Variants in CRYBG3 observed in about 807,000 individuals in gnomAD.
CRYBG3 encodes very large A-kinase anchor protein.
Under a neutral mutation model 244.2 loss-of-function variants are expected in CRYBG3, and 127 were observed. The ratio of observed to expected loss-of-function variants is 0.52; its 90% CI spans 0.45 to 0.60. The LOEUF is 0.60. Ranked by LOEUF, CRYBG3 falls within the 20% of genes least tolerant of loss-of-function variation. The probability of loss-of-function intolerance (pLI) is 0.00; values close to 1 mark genes in which losing one functional copy is unlikely to be tolerated. For synonymous variants in CRYBG3, 1,132 were observed against 1,195.8 expected, an observed-to-expected ratio of 0.95 and a Z score of 1.10; for missense variants, 3,325 against 3,442.5, an observed-to-expected ratio of 0.97 and a Z score of 0.85.
intron 1 of CRYBG3, among the ~76,000 whole-genome samples, chr3:97,833,943 A>C (rs2108158373): frequency 6.6e-6 from 1 of 152,192 alleles, no homozygotes; most frequent in South Asian, 2.1e-4. Flanking sequence ...CTTGGGAAGA[A>C]AGGAAACAAG....
chr3:97,938,988 T>C (rs540615838), intron 19 of CRYBG3, among the ~76,000 whole-genome samples: 1 of 151,990 alleles, frequency 6.6e-6, no homozygotes, highest in African/African-American at 2.4e-5. Context: ...AAAGTAGAGA[T>C]AGGAATTCAG....
At chr3:97,937,132 T>C (rs1306436291) in intron 19 of CRYBG3, among the ~76,000 whole-genome samples, 1 of 152,124 alleles carries the variant, frequency 6.6e-6, no homozygotes, top group Non-Finnish European at 1.5e-5. Flanking sequence ...ATTGGCCATG[T>C]TCACTTTTCG....
chr3:97,822,193 G>C lies in CRYBG3; in HGVS notation c.-14G>C. 1 of 1,510,652 alleles carries C rather than the reference G, an allele frequency of 6.6e-7. No individual in the cohort carries two copies. Among genetic ancestry groups the C allele is most frequent in the Non-Finnish European group, 8.8e-7 (1 of 1,134,806 alleles). 93.6% of individuals were successfully genotyped at this position (1,510,652 alleles called of 1,614,324 possible). ...TCCCTTCAGACAGCCCCGGGCCAGC[G>C]GCCCCCTCGGGAAATGTCCAGCGGC... On this transcript the variant is annotated 5_prime_UTR_variant, in exon 1 of 22. Transcript: ENST00000389622.
At chr3:97,860,885 C>G (rs1456566368) in intron 2 of CRYBG3, among the ~76,000 whole-genome samples, 1 of 151,988 alleles carries the variant, frequency 6.6e-6, no homozygotes, top group Non-Finnish European at 1.5e-5. Context: ...TGCCAAACTA[C>G]ATTCTTAAAT....
At chr3:97,841,381 G>C (rs1436438479) in intron 1 of CRYBG3, among the ~76,000 whole-genome samples, 1 of 151,256 alleles carries the variant, frequency 6.6e-6, no homozygotes, top group African/African-American at 2.4e-5. Flanking sequence ...ACATTTAGAA[G>C]CTTTAAGGAT....
intron 2 of CRYBG3, among the ~76,000 whole-genome samples, chr3:97,849,480 A>G (rs953427731): frequency 7.2e-5 from 11 of 151,982 alleles, no homozygotes; most frequent in African/African-American, 2.4e-4. Flanking sequence ...CGAAATGGAA[A>G]ATGCGCTGTG....
chr3:97,890,193 T>G (rs1435277811), intron 10 of CRYBG3, among the ~76,000 whole-genome samples: 2 of 152,246 alleles, frequency 1.3e-5, no homozygotes, highest in Admixed American at 6.5e-5. Flanking sequence ...ATACTTTGAC[T>G]GTATGTTGGA....
rs1011658663 is a variant in CRYBG3 at position 97,822,107 on chromosome 3, G to C, written c.-100G>C. On this transcript the variant is annotated 5_prime_UTR_variant, in exon 1 of 22. Transcript: ENST00000389622. ...CTGGCAGCTCGCGTCGAGTCGGTCTGCCCTAGCCGCATCCCGCGGCGCCCG... is the reference window on the plus strand; with the variant it reads ...CTGGCAGCTCGCGTCGAGTCGGTCTCCCCTAGCCGCATCCCGCGGCGCCCG... 1.7e-6 allele frequency: 2 copies of C among 1,147,268 alleles called. No homozygotes were observed. Among genetic ancestry groups the C allele is most frequent in the African/African-American group, 3.2e-5 (2 of 62,272 alleles). 71.1% of individuals were successfully genotyped at this position (1,147,268 alleles called of 1,614,324 possible).
intron 17 of CRYBG3, chr3:97,933,210 CT>C: frequency 9.7e-6 from 4 of 413,252 alleles, no homozygotes; most frequent in South Asian, 3.5e-5. Context: ...TGCATTTCAG[CT>C]TTTTTTAAAT....
rs1265043079 is a variant in CRYBG3 at position 97,875,133 on chromosome 3, T to C, written c.3939T>C (p.Ile1313=). The C allele has an allele frequency of 6.5e-7, 1 of 1,535,272 alleles. No individual in the cohort carries two copies. Among genetic ancestry groups the C allele is most frequent in the East Asian group, 2.4e-5 (1 of 40,904 alleles). ...CTAGGGAATTAGTCAATGAGATTAT[T>C]TATGTAGCCCAAGAAAAATTGAGAA... ...DKARELVNEI[I]YVAQEKLRND... The change falls in exon 4 of 22, where the codon ATT becomes ATC. Residue 1313 remains isoleucine, a synonymous_variant. Coordinates refer to ENST00000389622, the MANE Select transcript of CRYBG3 (RefSeq NM_153605.4).
intron 2 of CRYBG3, among the ~76,000 whole-genome samples, chr3:97,863,314 A>G (rs1013773462): frequency 2.6e-5 from 4 of 152,150 alleles, no homozygotes; most frequent in Non-Finnish European, 5.9e-5. Context: ...AGAATCTGGA[A>G]ATAGCATGAA....
intron 12 of CRYBG3, among the ~76,000 whole-genome samples, chr3:97,897,176 T>C (rs1261734809): frequency 6.6e-6 from 1 of 152,058 alleles, no homozygotes; most frequent in Non-Finnish European, 1.5e-5. Context: ...TCTTTGACAT[T>C]GAGTTGGTAT....
At chr3:97,907,663 G>T (rs1305084312) in intron 15 of CRYBG3, among the ~76,000 whole-genome samples, 1 of 149,930 alleles carries the variant, frequency 6.7e-6, no homozygotes, top group East Asian at 2.0e-4. Context: ...CTTGCTAGCG[G>T]TCTATCAATT....
intron 2 of CRYBG3, among the ~76,000 whole-genome samples, chr3:97,856,312 G>T (rs2039063525): frequency 6.6e-6 from 1 of 152,016 alleles, no homozygotes; most frequent in Non-Finnish European, 1.5e-5. Context: ...TTTTCAAGGT[G>T]CCCAGATTTC....
intron 1 of CRYBG3, 28 bp from the exon 2 acceptor site, chr3:97,843,167 A>T: frequency 2.8e-6 from 4 of 1,441,278 alleles, no homozygotes; most frequent in Non-Finnish European, 2.8e-6. Flanking sequence ...TTTTAATTTC[A>T]AAAGAAACTG....
Position 97,900,477 on chromosome 3 carries a change from C to T in CRYBG3, c.7996C>T (p.Pro2666Ser). ...GGAACCACTTGGGATAAATGAACCT[C>T]CGCATTTGGTATGTTTAAAAATATT... is the stretch of plus-strand genomic sequence containing the variant. ...QLEPLGINEP[P>S]HLLKAFSKPG... The change falls in exon 15 of 22, where the codon CCG becomes TCG. Residue 2666 changes from proline to serine, a missense_variant. Transcript: ENST00000389622. 1 of 1,554,636 alleles carries T rather than the reference C, an allele frequency of 6.4e-7. No homozygotes were observed. Among genetic ancestry groups the T allele is most frequent in the Non-Finnish European group, 8.9e-7 (1 of 1,128,290 alleles).
chr3:97,915,833 G>T, intron 17 of CRYBG3, 97 bp downstream of exon 17: 1 of 1,004,916 alleles, frequency 1.0e-6, no homozygotes. Flanking sequence ...ATGATACAAG[G>T]AGAAATATAA....
At chr3:97,923,669 C>A (rs1309874813) in intron 17 of CRYBG3, among the ~76,000 whole-genome samples, 1 of 151,932 alleles carries the variant, frequency 6.6e-6, no homozygotes, top group East Asian at 1.9e-4. Flanking sequence ...ATTATTAGGG[C>A]TAAAGCACAT....
chr3:97,942,329 G>A lies in CRYBG3; in HGVS notation c.8710G>A (p.Gly2904Arg), dbSNP rs369925348. The A allele has an allele frequency of 3.5e-5, 57 of 1,611,280 alleles. No individual in the cohort carries two copies. Among genetic ancestry groups the A allele is most frequent in the Non-Finnish European group, 4.6e-5 (54 of 1,178,350 alleles). ...TGTGATTGGTGGCCGGGACACACCT[G>A]GAGCTAAAGTAGCTCTATGGACTGA... ...LDVIGGRDTP[G>R]AKVALWTEHG... The change falls in exon 21 of 22, where the codon GGA (glycine) becomes AGA (arginine). Residue 2904 changes from glycine (G) to arginine (R), a missense_variant. Coordinates refer to ENST00000389622, the MANE Select transcript of CRYBG3 (RefSeq NM_153605.4).
Sources: allele counts gnomAD v4.1 joint callset (sites outside exome capture counted in the v4.1 genomes callset), GRCh38; gene constraint gnomAD v4.1.1; transcripts MANE v1.5; gene names NCBI Gene and HGNC (gene_info 2026-07-23, HGNC 2026-07-21).